The following ZNF227 variants were observed in gnomAD, a reference collection of about 807,000 sequenced individuals.
ZNF227 encodes the protein zinc finger protein 227.
ZNF227 carries 12 observed loss-of-function variants against 13.2 expected under a neutral mutation model. The observed-to-expected ratio is 0.91, with a 90% CI of 0.58 to 1.47. ZNF227 has a LOEUF of 1.47. Ranked by LOEUF, ZNF227 falls within the 40% of genes most tolerant of loss-of-function variation. ZNF227 has a pLI of 0.00. For missense variants in ZNF227, 885 were observed against 967.5 expected, an observed-to-expected ratio of 0.91 and a Z score of 1.13; for synonymous variants, 338 against 326.0, an observed-to-expected ratio of 1.04 and a Z score of -0.40.
chr19:44,209,636 G>C (rs1459451533), upstream of ZNF227, among the ~76,000 whole-genome samples: 2 of 151,900 alleles, frequency 1.3e-5, no homozygotes, highest in Non-Finnish European at 2.9e-5. Flanking sequence ...GCCCAGGCTG[G>C]AGTGCAGTGG....
intron 3 of ZNF227, among the ~76,000 whole-genome samples, chr19:44,222,274 C>A (rs1407294101): frequency 6.6e-6 from 1 of 152,010 alleles, no homozygotes; most frequent in African/African-American, 2.4e-5. Context: ...ATGAACTTTA[C>A]AGTAGTTTTT....
intron 2 of ZNF227, among the ~76,000 whole-genome samples, chr19:44,214,015 T>C (rs1971587483): frequency 6.6e-6 from 1 of 152,218 alleles, no homozygotes; most frequent in Non-Finnish European, 1.5e-5. Context: ...ACACTGGATT[T>C]CAAAAACTTT....
intron 5 of ZNF227, among the ~76,000 whole-genome samples, chr19:44,232,728 T>C (rs1177840269): frequency 6.6e-6 from 1 of 151,800 alleles, no homozygotes; most frequent in Non-Finnish European, 1.5e-5. Flanking sequence ...AGTGCAGTGG[T>C]GCAATCTTGG....
At chr19:44,218,521 G>C (rs751290354) in intron 3 of ZNF227, among the ~76,000 whole-genome samples, 12 of 152,174 alleles carry the variant, frequency 7.9e-5, no homozygotes, top group Admixed American at 6.5e-4. Flanking sequence ...TTTCAGAGAA[G>C]AAGAGCTATA....
Position 44,236,097 on chromosome 19 carries a change from A to C in ZNF227, c.1667A>C (p.Asp556Ala). Residue 556 changes from aspartate (D) to alanine (A), a missense_variant, in exon 6 of 6, where the codon GAC becomes GCC. Transcript: ENST00000313040. ...TATAGATGTGATGTGTGTGGTAAGG[A>C]CTTCAGTTATAGTTCAAATCTTAAA... ...KPYRCDVCGK[D>A]FSYSSNLKLH... 1 of 1,613,224 alleles carries C rather than the reference A, an allele frequency of 6.2e-7. No individual in the cohort carries two copies. Among genetic ancestry groups the C allele is most frequent in the Non-Finnish European group, 8.5e-7 (1 of 1,179,754 alleles).
At chr19:44,233,707 C>G (rs1974104913) in intron 5 of ZNF227, among the ~76,000 whole-genome samples, 1 of 151,950 alleles carries the variant, frequency 6.6e-6, no homozygotes. Context: ...ACCAGCCTGG[C>G]CAACATGGCA....
In ZNF227 at chr19:44,235,545, G is replaced by A; in HGVS notation, c.1115G>A (p.Arg372Lys). Residue 372 changes from arginine (R) to lysine (K), a missense_variant, in exon 6 of 6, where the codon AGA becomes AAA. By Grantham distance (26) the Arg-to-Lys change is conservative. Transcript: ENST00000313040. ...SQSSNFQCHQ[R>K]VHTEEKPYKC... ...AGTTCAAATTTTCAGTGCCATCAGA[G>A]AGTCCACACTGAAGAAAAACCATAC... 1 of 1,614,176 alleles carries A rather than the reference G, an allele frequency of 6.2e-7. No individual in the cohort carries two copies. The highest frequency in any genetic ancestry group is 8.5e-7 in the Non-Finnish European group (1 of 1,180,036).
rs1241968062 is a variant in ZNF227 at position 44,213,221 on chromosome 19, T to A, written c.-26T>A. The A allele has an allele frequency of 2.6e-5, 4 of 152,238 alleles. No homozygotes were observed. Among genetic ancestry groups the A allele is most frequent in the Non-Finnish European group, 5.9e-5 (4 of 68,046 alleles). The allele number at this position is 152,238 out of a possible 1,614,324, so 9.4% of individuals were successfully genotyped here. A position where few individuals can be genotyped will look rare whatever the true frequency, so the allele number is the denominator to read the frequency against. On this transcript the variant is annotated 5_prime_UTR_variant, in exon 2 of 6. Transcript: ENST00000313040. ...CAAAGAGGAGGAAGGAGGGACTTCT[T>A]GGCTTCTCCCAGCATAGCCCCAGGT...
At chr19:44,212,356 C>T (rs1035560496), upstream of ZNF227, among the ~76,000 whole-genome samples, 1 of 147,180 alleles carries the variant, frequency 6.8e-6, no homozygotes, top group Non-Finnish European at 1.5e-5. Flanking sequence ...CTCTCTCACT[C>T]GCTCGCTCCG....
intron 5 of ZNF227, among the ~76,000 whole-genome samples, chr19:44,231,188 C>T (rs949794197): frequency 1.3e-5 from 2 of 151,516 alleles, no homozygotes. Flanking sequence ...CATCTTGGCT[C>T]ACTGCAACCT....
rs557885231 is a variant in ZNF227, at chr19:44,217,269, AAACAGCAAGAAGCC to A, written c.-2-520_-2-507del. Among the ~76,000 whole-genome samples, 44 of 152,062 alleles carry A rather than the reference AAACAGCAAGAAGCC, an allele frequency of 2.9e-4. No individual in the cohort carries two copies. In the East Asian group the frequency reaches 8.1e-3, roughly 28 times the overall value. ...ATGAGCCACTGTGCCAGGCCTGGCT[AAACAGCAAGAAGCC>A]ATGAAGAAGCTTTTTTGTAACTATA... On this transcript the variant is annotated intron_variant, in intron 2 of 5. Transcript: ENST00000313040.
upstream of ZNF227, among the ~76,000 whole-genome samples, chr19:44,211,176 C>T (rs1360787708): frequency 1.3e-5 from 2 of 151,280 alleles, no homozygotes; most frequent in African/African-American, 4.9e-5. Context: ...TCACTCCAGC[C>T]TGGGCAAAAG....
chr19:44,233,384 A>C (rs1223163310), intron 5 of ZNF227, among the ~76,000 whole-genome samples: 1 of 152,144 alleles, frequency 6.6e-6, no homozygotes, highest in African/African-American at 2.4e-5. Context: ...TGTCAGTCAC[A>C]AGTTACATAC....
At chr19:44,211,725 T>C (rs536153957), upstream of ZNF227, among the ~76,000 whole-genome samples, 2 of 152,182 alleles carry the variant, frequency 1.3e-5, no homozygotes, top group African/African-American at 4.8e-5. Context: ...CATTTTTTGA[T>C]TGCTCTTTCA....
chr19:44,221,533 T>C (rs1262983457), intron 3 of ZNF227, among the ~76,000 whole-genome samples: 2 of 152,252 alleles, frequency 1.3e-5, no homozygotes, highest in African/African-American at 2.4e-5. Flanking sequence ...CATTTTTTCA[T>C]GTGGTTTTTG....
intron 5 of ZNF227, among the ~76,000 whole-genome samples, chr19:44,230,926 AAT>A (rs58952117): frequency 0.18 from 11,740 of 66,796 alleles, 1,085 homozygotes; most frequent in East Asian, 0.29. Flanking sequence ...AAAAAAAAAA[AAT>A]ATATATATAT....
chr19:44,210,310 C>T (rs1241430407), upstream of ZNF227, among the ~76,000 whole-genome samples: 1 of 152,088 alleles, frequency 6.6e-6, no homozygotes, highest in Non-Finnish European at 1.5e-5. Flanking sequence ...TTAACATTTG[C>T]TAACTTTTTA....
intron 2 of ZNF227, among the ~76,000 whole-genome samples, chr19:44,214,788 C>G (rs955087622): frequency 3.5e-5 from 5 of 143,604 alleles, no homozygotes; most frequent in Non-Finnish European, 7.7e-5. Context: ...TTCCACCCCA[C>G]TTTTTTTTTT....
At chr19:44,229,599 G>A (rs1973565135) in intron 4 of ZNF227, 134 bp from the exon 5 acceptor site, 1 of 430,164 alleles carries the variant, frequency 2.3e-6, no homozygotes, top group African/African-American at 2.1e-5. Flanking sequence ...GCGATAGAGT[G>A]AGACTCTGTC....
Sources: gnomAD v4.1 joint callset for allele counts (sites outside exome capture counted in the v4.1 genomes callset) on GRCh38, gnomAD v4.1.1 for gene constraint, MANE v1.5 for transcripts, NCBI Gene and HGNC (gene_info 2026-07-23, HGNC 2026-07-21) for gene names.